ECHDC2: variants seen among roughly 807,000 people sequenced by gnomAD.
ECHDC2 encodes enoyl-CoA hydratase domain-containing protein 2, mitochondrial.
A neutral mutation model predicts 40.6 loss-of-function variants in ECHDC2; 34 were observed. The ratio of observed to expected loss-of-function variants is 0.84; its 90% confidence interval spans 0.64 to 1.11. The LOEUF (loss-of-function observed/expected upper bound fraction) is 1.11. Ranked by LOEUF, ECHDC2 falls within the 50% of genes most tolerant of loss-of-function variation. The pLI is 0.00. For synonymous variants in ECHDC2, 162 were observed against 166.6 expected (o/e 0.97, Z 0.21); for missense variants, 392 against 400.7 (o/e 0.98, Z 0.19).
At position 52,904,681 on chromosome 1, in the gene ECHDC2, G is replaced by A. The variant is rs748136879; in HGVS notation, c.667C>T (p.Arg223Trp). 3.1e-6 allele frequency: 5 copies of A among 1,609,456 alleles called. No homozygotes were observed. The highest frequency in any genetic ancestry group is 1.7e-5 in the Admixed American group (1 of 59,800). ...ATCTCCTGGGCCAGTGCTCGTGCCC[G>A]CTGGTAGGCGGCGTCCCCCTCCTCG... ...QNEEGDAAYQRARALAQEILP... is the reference protein window; with the variant it reads ...QNEEGDAAYQWARALAQEILP... Residue 223 changes from arginine (R) to tryptophan (W), a missense_variant, in exon 7 of 10, where the codon CGG becomes TGG. Arg to Trp is a moderately radical substitution (Grantham distance 101). Transcript: ENST00000371522.
At position 52,899,166 on chromosome 1, in the gene ECHDC2, C is replaced by A; in HGVS notation, c.753+8G>T. ...GTGGACCCAAGTCCCAACCCAAAAC[C>A]CTCTCACCTCCGTTCCTCGGTCAAT... is the stretch of plus-strand genomic sequence containing the variant. On this transcript the variant is annotated splice_region_variant and intron_variant, in intron 8 of 9. Transcript: ENST00000371522. 6.2e-7 allele frequency: 1 copy of A among 1,614,192 alleles called. No individual in the cohort carries two copies. The highest frequency in any genetic ancestry group is 1.6e-4 in the Middle Eastern group (1 of 6,062).
At chr1:52,908,956 G>GAAAAAAAAAAAAA (rs1190885771) in intron 3 of ECHDC2, among the ~76,000 whole-genome samples, 7 of 141,826 alleles carry the variant, frequency 4.9e-5, no homozygotes, top group Non-Finnish European at 4.6e-5. Context: ...AAAAAAAAAG[G>GAAAAAAAAAAAAA]AAAAAGGACT....
chr1:52,910,049 G>A (rs1206925551), intron 3 of ECHDC2, among the ~76,000 whole-genome samples: 2 of 152,126 alleles, frequency 1.3e-5, no homozygotes, highest in African/African-American at 4.8e-5. Context: ...TTGAGGACAT[G>A]TTAAGTAAAA....
chr1:52,921,690 A>C lies in ECHDC2; in HGVS notation c.-17T>G, dbSNP rs1459434433. On this transcript the variant is annotated 5_prime_UTR_variant, in exon 1 of 10. Transcript: ENST00000371522. ...GCGCAGCATCGGGGCGCAGGCTGGG[A>C]GTGAAGGTGCTTCTCCGGCCCTGCA... The C allele has an allele frequency of 3.9e-6, 6 of 1,537,634 alleles. No homozygotes were observed. The highest frequency in any genetic ancestry group is 4.4e-6 in the Non-Finnish European group (5 of 1,145,556).
intron 5 of ECHDC2, chr1:52,906,305 GT>G (rs1401411548): frequency 4.6e-6 from 3 of 657,212 alleles, no homozygotes; most frequent in Non-Finnish European, 8.5e-6. Flanking sequence ...AAGGAAGCAG[GT>G]TCTGACAGGT....
chr1:52,914,801 C>T lies in ECHDC2; in HGVS notation c.122-3011G>A, dbSNP rs1478128929. Among the ~76,000 whole-genome samples, 1 of 152,162 alleles carries T rather than the reference C, an allele frequency of 6.6e-6. No individual in the cohort carries two copies. Among genetic ancestry groups the T allele is most frequent in the Non-Finnish European group, 1.5e-5 (1 of 68,028 alleles). On this transcript the variant is annotated intron_variant, in intron 1 of 9. Transcript: ENST00000371522. The surrounding 1 kb of genome is among the most constrained non-coding windows in gnomAD (Gnocchi z 4.0). Reference sequence around the variant, plus strand: ...CCTCTTAAAGAGATCTCAGGCCTCTCAGCTCACACCGCTTCTCACAGCCAT... The same window carrying T: ...CCTCTTAAAGAGATCTCAGGCCTCTTAGCTCACACCGCTTCTCACAGCCAT...
At position 52,904,735 on chromosome 1, in the gene ECHDC2, C is replaced by G; in HGVS notation, c.613G>C (p.Gly205Arg). ...TGGGCCACAGCGTGATTCACCAGCC[C>G]CAGTACGTGGGCCTCAGTTCCACTC... ...RLSGTEAHVL[G>R]LVNHAVAQNE... is the part of the protein sequence containing the mutation. Residue 205 changes from glycine to arginine, a missense_variant, in exon 7 of 10, where the codon GGG (glycine) becomes CGG (arginine). Coordinates refer to ENST00000371522, the MANE Select transcript of ECHDC2 (RefSeq NM_001198961.2). The G allele has an allele frequency of 1.2e-6, 2 of 1,612,928 alleles. No homozygotes were observed. Among genetic ancestry groups the G allele is most frequent in the Non-Finnish European group, 1.7e-6 (2 of 1,179,968 alleles).
At position 52,911,611 on chromosome 1, in the gene ECHDC2, G is replaced by GCACTTGC. The variant is rs943658773; in HGVS notation, c.225_231dup (p.Arg78AlafsTer29). 1 of 1,614,026 alleles carries GCACTTGC rather than the reference G, an allele frequency of 6.2e-7. No homozygotes were observed. The highest frequency in any genetic ancestry group is 8.5e-7 in the Non-Finnish European group (1 of 1,180,058). On this transcript the variant is annotated frameshift_variant, in exon 3 of 10. Transcript: ENST00000371522. LOFTEE classifies it high-confidence loss of function. ...ACTCCACTTCTGAAGAGCAGGACAC[G>GCACTTGC]CACTTGCCGGTCCTCCCGCAGCTGG...
chr1:52,918,031 C>A (rs1353159730), intron 1 of ECHDC2, among the ~76,000 whole-genome samples: 1 of 152,088 alleles, frequency 6.6e-6, no homozygotes, highest in South Asian at 2.1e-4. Flanking sequence ...TACAGTAACA[C>A]GATCATGGCT....
intron 5 of ECHDC2, 40 bp from the exon 6 acceptor site, chr1:52,905,130 C>T (rs778562826): frequency 1.3e-5 from 21 of 1,609,070 alleles, no homozygotes; most frequent in Non-Finnish European, 1.7e-5. Context: ...CTCCCCCATC[C>T]GGTCCCCCAG....
Position 52,911,501 on chromosome 1 carries a change from C to T in ECHDC2, c.277+65G>A, listed in dbSNP as rs537289614. 202 of 1,511,740 alleles carry T rather than the reference C, an allele frequency of 1.3e-4. 3 individuals carry two copies. In the South Asian group the frequency reaches 2.0e-3, roughly 15 times the overall value. The allele number at this position is 1,511,740 out of a possible 1,614,324, so 93.6% of individuals were successfully genotyped here. A position where few individuals can be genotyped will look rare whatever the true frequency, so the allele number is the denominator to read the frequency against. On this transcript the variant is annotated intron_variant, in intron 3 of 9. Coordinates refer to ENST00000371522, the MANE Select transcript of ECHDC2 (RefSeq NM_001198961.2). ...CATGCTGAAGCTGATCTAAGGTTTC[C>T]CCCAACCCCTGGAGGCTGGTGGGCA... is the stretch of plus-strand genomic sequence containing the variant.
At chr1:52,910,334 A>G (rs1241497360) in intron 3 of ECHDC2, among the ~76,000 whole-genome samples, 2 of 87,438 alleles carry the variant, frequency 2.3e-5, no homozygotes, top group Non-Finnish European at 4.6e-5. Context: ...TGTGTTACTT[A>G]TATTTCACCA....
chr1:52,921,730 G>A lies in ECHDC2; in HGVS notation c.-57C>T, dbSNP rs1180930714. 15 of 1,425,592 alleles carry A rather than the reference G, an allele frequency of 1.1e-5. No homozygotes were observed. The highest frequency in any genetic ancestry group is 3.0e-5 in the Admixed American group (1 of 33,366). 88.3% of individuals were successfully genotyped at this position (1,425,592 alleles called of 1,614,324 possible). On this transcript the variant is annotated 5_prime_UTR_variant, in exon 1 of 10. Coordinates refer to ENST00000371522, the MANE Select transcript of ECHDC2 (RefSeq NM_001198961.2). Reference sequence around the variant, plus strand: ...CCGGCCCTGCACCGTCTCGGCTCCCGCTGAGAGCTCGCAGTTCCGGCGTCG... The same window carrying A: ...CCGGCCCTGCACCGTCTCGGCTCCCACTGAGAGCTCGCAGTTCCGGCGTCG...
At chr1:52,896,939 A>G (rs569743927) in intron 9 of ECHDC2, 127 of 315,390 alleles carry the variant, frequency 4.0e-4, no homozygotes, top group Non-Finnish European at 6.8e-4. Context: ...CTTTGAATCC[A>G]GGTTCACACT....
chr1:52,899,017 GTGTAAAC>G (rs1646815316), intron 8 of ECHDC2, 150 bp downstream of exon 8: 4 of 751,160 alleles, frequency 5.3e-6, no homozygotes, highest in Non-Finnish European at 7.2e-6. Context: ...ATTTGCAGAT[GTGTAAAC>G]TGACGTAGAG....
chr1:52,902,886 A>G (rs1647075800), intron 7 of ECHDC2, among the ~76,000 whole-genome samples: 1 of 152,216 alleles, frequency 6.6e-6, no homozygotes, highest in Non-Finnish European at 1.5e-5. Flanking sequence ...CACAGATAAA[A>G]TGGGGATAAT....
At position 52,914,564 on chromosome 1, in the gene ECHDC2, G is replaced by A. The variant is rs576955391; in HGVS notation, c.122-2774C>T. Among the ~76,000 whole-genome samples the A allele has an allele frequency of 2.6e-5, 4 of 152,224 alleles. No homozygotes were observed. The South Asian group carries it at 8.3e-4, about 32-fold the overall frequency. Reference sequence around the variant, plus strand: ...CACAGCTAACACACGCCTGCCTCCTGTACACCCAGGGCTCCCGTGTGTGCC... The same window carrying A: ...CACAGCTAACACACGCCTGCCTCCTATACACCCAGGGCTCCCGTGTGTGCC... On this transcript the variant is annotated intron_variant, in intron 1 of 9. Coordinates refer to ENST00000371522, the MANE Select transcript of ECHDC2 (RefSeq NM_001198961.2). The surrounding 1 kb of genome is among the most constrained non-coding windows in gnomAD (Gnocchi z 4.0).
rs1331540757 is a variant in ECHDC2 at position 52,914,050 on chromosome 1, C to T, written c.122-2260G>A. 3.7e-6 allele frequency: 4 copies of T among 1,071,454 alleles called. No individual in the cohort carries two copies. Among genetic ancestry groups the T allele is most frequent in the East Asian group, 1.2e-4 (2 of 17,028 alleles). 66.4% of individuals were successfully genotyped at this position (1,071,454 alleles called of 1,614,324 possible). A position where few individuals can be genotyped will look rare whatever the true frequency, so the allele number is the denominator to read the frequency against. ...TGGCCTCTACTAGACACCGTGATTC[C>T]AGAGACCAGGACAGACTCAAGGCCT... is the stretch of plus-strand genomic sequence containing the variant. On this transcript the variant is annotated intron_variant, in intron 1 of 9. Transcript: ENST00000371522. The surrounding 1 kb of genome is among the most constrained non-coding windows in gnomAD (Gnocchi z 4.0).
chr1:52,911,890 C>T, intron 1 of ECHDC2, 100 bp from the exon 2 acceptor site: 2 of 1,541,672 alleles, frequency 1.3e-6, no homozygotes, highest in Non-Finnish European at 1.7e-6. Context: ...TCTGGGGAGC[C>T]TCTGCCCTAG....
Sources: allele counts gnomAD v4.1 joint callset (sites outside exome capture counted in the v4.1 genomes callset), GRCh38; gene constraint gnomAD v4.1.1; non-coding constraint Gnocchi (gnomAD v3.1); transcripts MANE v1.5; gene names NCBI Gene and HGNC (gene_info 2026-07-23, HGNC 2026-07-21).